RBPJ: variants seen among roughly 807,000 people sequenced by gnomAD.
RBPJ encodes recombining binding protein suppressor of hairless.
A neutral mutation model predicts 67.8 loss-of-function variants in RBPJ; 9 were observed. The observed-to-expected ratio is 0.13, with a 90% CI of 0.08 to 0.23. RBPJ has a LOEUF of 0.23. Ranked by LOEUF, RBPJ falls within the 10% of genes least tolerant of loss-of-function variation. The probability of loss-of-function intolerance (pLI) is 1.00; values close to 1 mark genes in which losing one functional copy is unlikely to be tolerated. For synonymous variants in RBPJ, 198 were observed against 203.3 expected, an observed-to-expected ratio of 0.97 and a Z score of 0.22; for missense variants, 305 against 595.6, an observed-to-expected ratio of 0.51 and a Z score of 5.08.
At chr4:26,128,445 G>A in the RBPJ span, among the ~76,000 whole-genome samples, 1 of 152,286 alleles carries the variant, frequency 6.6e-6, no homozygotes, top group East Asian at 1.9e-4. Context: ...GTAGTTTACA[G>A]GAATTAAATT....
chr4:26,138,946 G>T, the RBPJ span, among the ~76,000 whole-genome samples: 1 of 152,254 alleles, frequency 6.6e-6, no homozygotes, highest in Non-Finnish European at 1.5e-5. Flanking sequence ...ACCTGAGATT[G>T]CTCTGCGCTC....
At chr4:26,250,755 A>G (rs749330769) in intron 1 of RBPJ, among the ~76,000 whole-genome samples, 2 of 152,224 alleles carry the variant, frequency 1.3e-5, no homozygotes, top group Non-Finnish European at 2.9e-5. Context: ...AACTATGAAC[A>G]TTGGTGTGCA....
At chr4:26,166,243 T>C (rs1165166429) in intron 1 of RBPJ, among the ~76,000 whole-genome samples, 1 of 134,526 alleles carries the variant, frequency 7.4e-6, no homozygotes, top group African/African-American at 2.8e-5. Flanking sequence ...AGTAATGGGA[T>C]GGCTGGGTCA....
intron 1 of RBPJ, among the ~76,000 whole-genome samples, chr4:26,340,492 A>G (rs188626810): frequency 6.6e-6 from 1 of 152,350 alleles, no homozygotes; most frequent in East Asian, 1.9e-4. Context: ...TACTAAGAAC[A>G]AGAGCAGAGC....
At chr4:26,384,238 C>T (rs1730590326) in intron 1 of RBPJ, among the ~76,000 whole-genome samples, 1 of 152,126 alleles carries the variant, frequency 6.6e-6, no homozygotes, top group Non-Finnish European at 1.5e-5. Context: ...GGGTTATTTG[C>T]CCATTTTTTG....
At chr4:26,271,684 T>A (rs993808317) in intron 1 of RBPJ, among the ~76,000 whole-genome samples, 3 of 152,130 alleles carry the variant, frequency 2.0e-5, no homozygotes, top group Non-Finnish European at 2.9e-5. Flanking sequence ...TTCAAAGTAA[T>A]CAGCATACCA....
intron 7 of RBPJ, among the ~76,000 whole-genome samples, chr4:26,425,684 A>G (rs138883797): frequency 6.8e-4 from 103 of 152,318 alleles, no homozygotes; most frequent in African/African-American, 2.4e-3. Flanking sequence ...AGTCCTCTAT[A>G]GTGCCACCAC....
At chr4:26,170,071 G>A (rs1017878759) in intron 1 of RBPJ, among the ~76,000 whole-genome samples, 7 of 152,062 alleles carry the variant, frequency 4.6e-5, no homozygotes, top group African/African-American at 1.2e-4. Context: ...CGCACGGTGC[G>A]CTGCACCTAC....
chr4:26,130,874 A>G, the RBPJ span, among the ~76,000 whole-genome samples: 1 of 152,246 alleles, frequency 6.6e-6, no homozygotes, highest in Non-Finnish European at 1.5e-5. Context: ...GCAACACTAC[A>G]AAATCCTCAT....
intron 1 of RBPJ, among the ~76,000 whole-genome samples, chr4:26,255,666 G>T (rs1365248528): frequency 1.3e-5 from 2 of 151,408 alleles, no homozygotes; most frequent in Non-Finnish European, 2.9e-5. Flanking sequence ...GCCAGGCGTG[G>T]TGGCAGGTGC....
At chr4:26,202,603 C>G (rs908840170) in intron 1 of RBPJ, among the ~76,000 whole-genome samples, 1 of 151,842 alleles carries the variant, frequency 6.6e-6, no homozygotes, top group African/African-American at 2.4e-5. Context: ...CTGGTTGTCT[C>G]TTTTTAGAAA....
chr4:26,138,067 A>G, the RBPJ span, among the ~76,000 whole-genome samples: 1,384 of 152,306 alleles, frequency 9.1e-3, 20 homozygotes, highest in African/African-American at 0.031. Flanking sequence ...TGTCATAGCT[A>G]TCTGCTGCTA....
chr4:26,298,270 T>C (rs1276856216), intron 1 of RBPJ, among the ~76,000 whole-genome samples: 1 of 152,228 alleles, frequency 6.6e-6, no homozygotes, highest in Non-Finnish European at 1.5e-5. Context: ...AAATGCAAAA[T>C]TAAGTTTAAC....
At chr4:26,373,071 A>G (rs1340149685) in intron 1 of RBPJ, among the ~76,000 whole-genome samples, 1 of 152,228 alleles carries the variant, frequency 6.6e-6, no homozygotes, top group African/African-American at 2.4e-5. Flanking sequence ...AGGTTTGATC[A>G]TTATAATGTA....
intron 1 of RBPJ, among the ~76,000 whole-genome samples, chr4:26,358,694 G>A (rs1727679122): frequency 6.6e-6 from 1 of 151,664 alleles, no homozygotes; most frequent in Admixed American, 6.6e-5. Flanking sequence ...GAGGCATGAG[G>A]ATTACTTGAG....
At chr4:26,337,356 C>T (rs3762930) in intron 1 of RBPJ, among the ~76,000 whole-genome samples, 80,187 of 151,898 alleles carry the variant, frequency 0.53, 21,205 homozygotes, top group Admixed American at 0.58. Context: ...CTTGTTCTTC[C>T]ATCTGTCCTT....
chr4:26,279,143 T>C (rs1343978568), intron 1 of RBPJ, among the ~76,000 whole-genome samples: 1 of 152,218 alleles, frequency 6.6e-6, no homozygotes, highest in East Asian at 1.9e-4. Context: ...TAACTATTTG[T>C]TTGAAGAAAA....
At chr4:26,141,282 A>T in the RBPJ span, among the ~76,000 whole-genome samples, 2 of 152,246 alleles carry the variant, frequency 1.3e-5, no homozygotes, top group Non-Finnish European at 2.9e-5. Context: ...CTAACCCAGC[A>T]CTAGGCCTTG....
chr4:26,128,626 A>G, the RBPJ span, among the ~76,000 whole-genome samples: 1 of 152,238 alleles, frequency 6.6e-6, no homozygotes, highest in Non-Finnish European at 1.5e-5. Context: ...TATGATATAC[A>G]ATATACACTA....
Sources: allele counts gnomAD v4.1 joint callset (sites outside exome capture counted in the v4.1 genomes callset), GRCh38; gene constraint gnomAD v4.1.1; transcripts MANE v1.5; gene names NCBI Gene and HGNC (gene_info 2026-07-23, HGNC 2026-07-21).